KAT6A: variants seen among roughly 807,000 people sequenced by gnomAD.
The protein encoded by KAT6A is histone acetyltransferase KAT6A.
KAT6A carries 9 observed loss-of-function variants against 198.4 expected under a neutral mutation model. The ratio of observed to expected loss-of-function variants is 0.05; its 90% CI spans 0.03 to 0.08. The LOEUF is 0.08. Ranked by LOEUF, KAT6A falls within the 10% of genes least tolerant of loss-of-function variation. KAT6A has a pLI of 1.00. For missense variants in KAT6A, 2,077 were observed against 2,509.9 expected (o/e 0.83, Z 3.69); for synonymous variants, 890 against 883.0 (o/e 1.01, Z -0.14).
At chr8:42,044,535 T>C (rs1253129126) in intron 2 of KAT6A, among the ~76,000 whole-genome samples, 1 of 151,994 alleles carries the variant, frequency 6.6e-6, no homozygotes, top group East Asian at 1.9e-4. Flanking sequence ...CCCAAAAGGA[T>C]CAAAACCACT....
chr8:42,011,895 G>GAA (rs35104277), intron 2 of KAT6A, among the ~76,000 whole-genome samples: 1 of 114,294 alleles, frequency 8.7e-6, no homozygotes, highest in Non-Finnish European at 1.9e-5. Flanking sequence ...AAAAGAAGAG[G>GAA]AAAAAAAAAA....
chr8:41,970,708 C>T (rs1172488960), intron 8 of KAT6A, among the ~76,000 whole-genome samples: 1 of 152,188 alleles, frequency 6.6e-6, no homozygotes, highest in African/African-American at 2.4e-5. Context: ...TTGACCCAGT[C>T]ATCCCATTAC....
Position 41,941,192 on chromosome 8 carries a change from C to T in KAT6A, c.2689G>A (p.Glu897Lys). Residue 897 changes from glutamate to lysine, a missense_variant, in exon 15 of 17, where the codon GAA becomes AAA. Coordinates refer to ENST00000265713, the MANE Select transcript of KAT6A (RefSeq NM_006766.5). ...TTCTCCCCACATTCTCCATATTGTT[C>T]CTGAGGAGCTGAAGACGTCTCTTCC... Reference protein sequence around the residue: ...LLEETSSAPQEQYGECGEKSE... With the variant: ...LLEETSSAPQKQYGECGEKSE... 6.2e-7 allele frequency: 1 copy of T among 1,614,096 alleles called. No individual in the cohort carries two copies. Among genetic ancestry groups the T allele is most frequent in the African/African-American group, 1.3e-5 (1 of 75,026 alleles).
Position 41,941,096 on chromosome 8 carries a change from G to C in KAT6A, c.2785C>G (p.Gln929Glu), listed in dbSNP as rs1822101553. 4 of 1,614,180 alleles carry C rather than the reference G, an allele frequency of 2.5e-6. No individual in the cohort carries two copies. The highest frequency in any genetic ancestry group is 3.4e-6 in the Non-Finnish European group (4 of 1,180,020). The change falls in exon 15 of 17, where the codon CAG becomes GAG. Residue 929 changes from glutamine (Q) to glutamate (E), a missense_variant. Transcript: ENST00000265713. ...QLVASEEQPS[Q>E]DGKPDLPKRR... ...TTGGGAAGGTCAGGTTTCCCGTCCT[G>C]GCTTGGCTGCTCCTCAGAAGCCACC...
rs375029163 is a variant in KAT6A at position 41,933,897 on chromosome 8, G to A, written c.4323C>T (p.Gly1441=). The part of the protein sequence containing the change: ...LTQEESSEHE[G]AYQDCEETLA... ...GAGTTTCCTCACAGTCCTGGTAGGC[G>A]CCCTCATGCTCACTGCTTTCTTCTT... is the stretch of plus-strand genomic sequence containing the variant. Residue 1441 remains glycine, a synonymous_variant, in exon 17 of 17, where the codon GGC becomes GGT. Coordinates refer to ENST00000265713, the MANE Select transcript of KAT6A (RefSeq NM_006766.5). The surrounding 1 kb of genome is among the most constrained non-coding windows in gnomAD (Gnocchi z 6.2). The A allele has an allele frequency of 6.8e-6, 11 of 1,614,006 alleles. No individual in the cohort carries two copies. Among genetic ancestry groups the A allele is most frequent in the Non-Finnish European group, 5.1e-6 (6 of 1,180,028 alleles).
intron 2 of KAT6A, among the ~76,000 whole-genome samples, chr8:42,000,426 C>A (rs1825435652): frequency 6.6e-6 from 1 of 151,986 alleles, no homozygotes; most frequent in African/African-American, 2.4e-5. Flanking sequence ...TGGCAAGCGC[C>A]TGTAATCCCA....
chr8:42,038,385 C>G (rs1365220967), intron 2 of KAT6A, among the ~76,000 whole-genome samples: 1 of 152,188 alleles, frequency 6.6e-6, no homozygotes, highest in Non-Finnish European at 1.5e-5. Flanking sequence ...GCTATTTTCA[C>G]ACACTGAAAT....
intron 2 of KAT6A, among the ~76,000 whole-genome samples, chr8:42,016,239 G>C (rs972601490): frequency 7.9e-5 from 12 of 152,176 alleles, no homozygotes; most frequent in African/African-American, 2.9e-4. Context: ...TGCTTATTCT[G>C]CCTTGGAATC....
At chr8:42,011,139 C>T (rs1156519671) in intron 2 of KAT6A, among the ~76,000 whole-genome samples, 1 of 152,130 alleles carries the variant, frequency 6.6e-6, no homozygotes, top group African/African-American at 2.4e-5. Context: ...ACTTGCAACC[C>T]CAGACCTAAC....
At chr8:41,938,561 T>C (rs1821956856) in intron 15 of KAT6A, among the ~76,000 whole-genome samples, 1 of 152,166 alleles carries the variant, frequency 6.6e-6, no homozygotes, top group African/African-American at 2.4e-5. Flanking sequence ...GCATGAAATA[T>C]ACAAGATGAA....
intron 2 of KAT6A, among the ~76,000 whole-genome samples, chr8:42,042,886 T>C (rs2150928931): frequency 6.6e-6 from 1 of 152,260 alleles, no homozygotes; most frequent in Admixed American, 6.5e-5. Context: ...AAAAATGAAC[T>C]CAGAAGTTTG....
At chr8:42,038,834 CT>C (rs1039986674) in intron 2 of KAT6A, among the ~76,000 whole-genome samples, 3 of 151,538 alleles carry the variant, frequency 2.0e-5, no homozygotes, top group African/African-American at 7.3e-5. Flanking sequence ...CCTTAGCAGT[CT>C]TTTTTTTTCT....
intron 8 of KAT6A, among the ~76,000 whole-genome samples, chr8:41,960,306 G>A (rs1005703842): frequency 4.6e-5 from 7 of 151,900 alleles, no homozygotes; most frequent in African/African-American, 1.2e-4. Flanking sequence ...TAGGCCGGGC[G>A]CAGTGGCTCA....
At chr8:42,034,611 C>T (rs1359614958) in intron 2 of KAT6A, among the ~76,000 whole-genome samples, 1 of 152,168 alleles carries the variant, frequency 6.6e-6, no homozygotes, top group Non-Finnish European at 1.5e-5. Flanking sequence ...ATATTCTGTA[C>T]TGTCCATTAT....
chr8:41,941,980 T>C (rs1822163391), intron 14 of KAT6A: 1 of 178,152 alleles, frequency 5.6e-6, no homozygotes, highest in Non-Finnish European at 1.2e-5. Context: ...AAAGTTTATG[T>C]AGTTTTTAAA....
Position 41,960,486 on chromosome 8 carries a change from G to A in KAT6A, c.1483-5075C>T, listed in dbSNP as rs372422861. 8.3e-4 allele frequency among the ~76,000 whole-genome samples: 103 copies of A among 124,474 alleles called. 3 individuals are homozygous for A. The East Asian group carries it at 0.023, about 27-fold the overall frequency. 81.7% of individuals were successfully genotyped at this position (124,474 alleles called of 152,430 possible). The stretch of plus-strand genomic sequence containing the variant: ...GACGCCGCTGTACTCCAGCCTGGGT[G>A]ACAGAGTAAGACTCCGTCTCAAAAA... On this transcript the variant is annotated intron_variant, in intron 8 of 16. Transcript: ENST00000265713.
At position 41,931,271 on chromosome 8, in the gene KAT6A, G is replaced by A. The variant is rs934589356; in HGVS notation, c.*934C>T. On this transcript the variant is annotated 3_prime_UTR_variant, in exon 17 of 17. Transcript: ENST00000265713. ...TACTAGAAACAAGAGGCTGGGTGGCGTGTGTGTGCGTTATGGCTGATTCAC... is the reference window on the plus strand; with the variant it reads ...TACTAGAAACAAGAGGCTGGGTGGCATGTGTGTGCGTTATGGCTGATTCAC... The A allele has an allele frequency of 3.1e-4, 68 of 219,678 alleles. No individual in the cohort carries two copies. Among genetic ancestry groups the A allele is most frequent in the African/African-American group, 1.3e-3 (59 of 44,480 alleles). 13.6% of individuals were successfully genotyped at this position (219,678 alleles called of 1,614,324 possible).
At chr8:41,986,785 A>G (rs1478612941) in intron 3 of KAT6A, among the ~76,000 whole-genome samples, 2 of 152,130 alleles carry the variant, frequency 1.3e-5, no homozygotes, top group African/African-American at 4.8e-5. Flanking sequence ...CATCTGTAAT[A>G]TCAGCACTTT....
At position 41,940,822 on chromosome 8, in the gene KAT6A, C is replaced by T; in HGVS notation, c.3039+20G>A. ...AAACTGGAATTGGAGGAAGAGAAGACCTGGAAAGAAATGCGTTACCTTTCG... is the reference window on the plus strand; with the variant it reads ...AAACTGGAATTGGAGGAAGAGAAGATCTGGAAAGAAATGCGTTACCTTTCG... On this transcript the variant is annotated intron_variant, in intron 15 of 16. Coordinates refer to ENST00000265713, the MANE Select transcript of KAT6A (RefSeq NM_006766.5). 1 of 1,590,468 alleles carries T rather than the reference C, an allele frequency of 6.3e-7. No homozygotes were observed. The highest frequency in any genetic ancestry group is 1.1e-5 in the South Asian group (1 of 89,624).
Sources: gnomAD v4.1 joint callset for allele counts (sites outside exome capture counted in the v4.1 genomes callset) on GRCh38, gnomAD v4.1.1 for gene constraint, Gnocchi (gnomAD v3.1) non-coding constraint, MANE v1.5 for transcripts, NCBI Gene and HGNC (gene_info 2026-07-23, HGNC 2026-07-21) for gene names.